The following ACP7 variants were observed in gnomAD, a reference collection of about 807,000 sequenced individuals.
ACP7 encodes the protein acid phosphatase type 7.
In ACP7, 58 loss-of-function variants were observed where a neutral mutation model predicts 60.6. The observed-to-expected ratio is 0.96, with a 90% confidence interval of 0.77 to 1.19. ACP7 has a LOEUF of 1.19. ACP7 is among the 50% of genes most tolerant of loss of function. The pLI, the probability that ACP7 is intolerant of heterozygous loss-of-function variation, is 0.00. For missense variants in ACP7, 574 were observed against 596.2 expected, an observed-to-expected ratio of 0.96 and a Z score of 0.39; for synonymous variants, 237 against 232.6, an observed-to-expected ratio of 1.02 and a Z score of -0.17.
At position 39,085,017 on chromosome 19, in the gene ACP7, G is replaced by A. The variant is rs7257753; in HGVS notation, c.-178-75G>A. On this transcript the variant is annotated intron_variant, in intron 1 of 12. Transcript: ENST00000331256. ...GTGAATTAATCTATGTCAAGCGGTT[G>A]GCACACTGTGAGTGAGGCTCAGAGA... 7.5e-3 allele frequency: 3,339 copies of A among 443,454 alleles called. 93 individuals are homozygous for A. The highest frequency in any genetic ancestry group is 0.06 in the African/African-American group (2,977 of 49,486). The allele number at this position is 443,454 out of a possible 1,614,324, so 27.5% of individuals were successfully genotyped here.
intron 12 of ACP7, among the ~76,000 whole-genome samples, chr19:39,107,923 T>C (rs1184249692): frequency 1.3e-5 from 2 of 151,952 alleles, no homozygotes; most frequent in African/African-American, 4.8e-5. Context: ...TGGTGGCAGA[T>C]GTCTGTAGTC....
chr19:39,105,522 C>T lies in ACP7; in HGVS notation c.1114-1425C>T, dbSNP rs1415682250. ...CTTCCCAATACATCCTGCAAGGAGG[C>T]GCATGGTGTCTTTTTTGAGTTAGGA... is the stretch of plus-strand genomic sequence containing the variant. On this transcript the variant is annotated intron_variant, in intron 11 of 12. Transcript: ENST00000331256. Among the ~76,000 whole-genome samples, 4 of 152,030 alleles carry T rather than the reference C, an allele frequency of 2.6e-5. No homozygotes were observed. The South Asian group carries it at 6.2e-4, about 24-fold the overall frequency.
chr19:39,098,307 C>T (rs544295578), intron 2 of ACP7, 151 bp from the exon 3 acceptor site: 2 of 410,244 alleles, frequency 4.9e-6, no homozygotes, highest in Non-Finnish European at 8.4e-6. Context: ...AAAGAAATGG[C>T]GGGGCTGGGA....
chr19:39,090,127 A>G lies in ACP7; in HGVS notation c.121+4737A>G, dbSNP rs376641854. 3.3e-4 allele frequency among the ~76,000 whole-genome samples: 50 copies of G among 152,190 alleles called. 1 individual carries two copies. In the South Asian group the frequency reaches 0.01, roughly 31 times the overall value. ...CCTAATGGTGATTTTCTAATTTTCT[A>G]ATGCCCTCCTTCTTTTTTTTTCTTT... is the stretch of plus-strand genomic sequence containing the variant. On this transcript the variant is annotated intron_variant, in intron 2 of 12. Transcript: ENST00000331256.
chr19:39,084,886 A>T (rs772993097), intron 1 of ACP7, among the ~76,000 whole-genome samples: 1 of 152,198 alleles, frequency 6.6e-6, no homozygotes, highest in Non-Finnish European at 1.5e-5. Flanking sequence ...GCTCCATCCC[A>T]TCCTAGCTGT....
At chr19:39,087,491 T>C (rs906533540) in intron 2 of ACP7, among the ~76,000 whole-genome samples, 3 of 151,994 alleles carry the variant, frequency 2.0e-5, no homozygotes, top group African/African-American at 7.3e-5. Context: ...AGGGTTTGGC[T>C]CTGTCAGGGT....
chr19:39,098,360 C>A, intron 2 of ACP7, 98 bp from the exon 3 acceptor site: 1 of 800,406 alleles, frequency 1.2e-6, no homozygotes. Context: ...TAACCACTAA[C>A]TGTTCAACAG....
At chr19:39,098,144 G>A (rs897229186) in intron 2 of ACP7, among the ~76,000 whole-genome samples, 4 of 151,310 alleles carry the variant, frequency 2.6e-5, no homozygotes, top group African/African-American at 7.3e-5. Context: ...CCAGCTACTC[G>A]GGAGGCTGAG....
intron 12 of ACP7, among the ~76,000 whole-genome samples, chr19:39,108,442 A>G (rs1418063023): frequency 6.6e-6 from 1 of 151,946 alleles, no homozygotes; most frequent in African/African-American, 2.4e-5. Flanking sequence ...TGCTGGGCCC[A>G]CTTATCTAAC....
Position 39,086,644 on chromosome 19 carries a change from G to A in ACP7, c.121+1254G>A, listed in dbSNP as rs7250677. On this transcript the variant is annotated intron_variant, in intron 2 of 12. Transcript: ENST00000331256. Reference sequence around the variant, plus strand: ...GGCCCTGTCTCAAAAAAAAAAAAGGGGGGGGGGAGGGGGATAGAACGGAGC... The same window carrying A: ...GGCCCTGTCTCAAAAAAAAAAAAGGAGGGGGGGAGGGGGATAGAACGGAGC... Among the ~76,000 whole-genome samples the A allele has an allele frequency of 6.2e-3, 787 of 126,028 alleles. 14 individuals are homozygous for A. The highest frequency in any genetic ancestry group is 0.016 in the South Asian group (62 of 3,794). The allele number at this position is 126,028 out of a possible 152,430, so 82.7% of individuals were successfully genotyped here. A position where few individuals can be genotyped will look rare whatever the true frequency, so the allele number is the denominator to read the frequency against.
At chr19:39,093,171 TC>T (rs755599773) in intron 2 of ACP7, among the ~76,000 whole-genome samples, 1 of 47,266 alleles carries the variant, frequency 2.1e-5, no homozygotes, top group Admixed American at 1.6e-4. Context: ...TCTTTCTTTC[TC>T]TCCTTCCTTC....
In ACP7 at chr19:39,099,002, G is replaced by A; in HGVS notation, c.365G>A (p.Arg122His). 1.9e-6 allele frequency: 3 copies of A among 1,613,564 alleles called. No individual in the cohort carries two copies. The South Asian group carries it at 3.3e-5, about 18-fold the overall frequency. The change falls in exon 4 of 13, where the codon CGC becomes CAC. Residue 122 changes from arginine to histidine, a missense_variant. By Grantham distance (29) the Arg-to-His change is conservative. Transcript: ENST00000331256. ...GSAQGWSRRFRFRALKNGAHW... is the reference protein window; with the variant it reads ...GSAQGWSRRFHFRALKNGAHW... ...GCGCAGGGCTGGAGCCGTCGGTTCC[G>A]CTTCAGGGCCCTCAAGAATGGGGCC...
chr19:39,101,279 C>A lies in ACP7; in HGVS notation c.974-9C>A. The A allele has an allele frequency of 5.0e-6, 8 of 1,614,224 alleles. No individual in the cohort carries two copies. Among genetic ancestry groups the A allele is most frequent in the Non-Finnish European group, 5.9e-6 (7 of 1,180,048 alleles). Reference sequence around the variant, plus strand: ...TTCAGAGGTCTGATCCCCGCTTGCTCTATCTCAGGAGTGGATCTGCAGCTG... The same window carrying A: ...TTCAGAGGTCTGATCCCCGCTTGCTATATCTCAGGAGTGGATCTGCAGCTG... On this transcript the variant is annotated splice_polypyrimidine_tract_variant and intron_variant, in intron 9 of 12. Coordinates refer to ENST00000331256, the MANE Select transcript of ACP7 (RefSeq NM_001004318.3).
In ACP7 at chr19:39,099,105, C is replaced by T. The variant is rs748606915; in HGVS notation, c.468C>T (p.Asp156=). 9 of 1,594,740 alleles carry T rather than the reference C, an allele frequency of 5.6e-6. No individual in the cohort carries two copies. The highest frequency in any genetic ancestry group is 7.7e-6 in the Non-Finnish European group (9 of 1,171,956). The change falls in exon 4 of 13, where the codon GAC becomes GAT. Residue 156 remains aspartate (D), a synonymous_variant. Transcript: ENST00000331256. ...AGGCCGTCCCCCGGCTGCGCAGGGA[C>T]ACCCAGCAGGGCATGTATGACGCCG... ...NPKAVPRLRR[D]TQQGMYDAVL... is the part of the protein sequence containing the mutation.
intron 4 of ACP7, 104 bp from the exon 5 acceptor site, chr19:39,100,123 A>C: frequency 1.3e-6 from 2 of 1,487,148 alleles, no homozygotes; most frequent in African/African-American, 2.8e-5. Context: ...GGCCTCCCGA[A>C]GCGCTGGGAT....
chr19:39,090,546 G>A (rs959085981), intron 2 of ACP7, among the ~76,000 whole-genome samples: 1 of 151,940 alleles, frequency 6.6e-6, no homozygotes, highest in East Asian at 1.9e-4. Context: ...GCAGTGGCGC[G>A]ATCTCAGCTC....
In ACP7 at chr19:39,101,054, A is replaced by G. The variant is rs940626674; in HGVS notation, c.913A>G (p.Lys305Glu). The change falls in exon 8 of 13, where the codon AAG (lysine) becomes GAG (glutamate). Residue 305 changes from lysine (K) to glutamate (E), a missense_variant and splice_region_variant. By Grantham distance (56) the Lys-to-Glu change is moderately conservative. Coordinates refer to ENST00000331256, the MANE Select transcript of ACP7 (RefSeq NM_001004318.3). ...GGACGACTGCACACGACATGAAAGC[A>G]AGGTGAGGTCCCTCCCTGGGAGACA... Reference protein sequence around the residue: ...DLDDCTRHESKVRKGLQGKLY... With the variant: ...DLDDCTRHESEVRKGLQGKLY... 1.2e-6 allele frequency: 2 copies of G among 1,614,024 alleles called. No individual in the cohort carries two copies. The highest frequency in any genetic ancestry group is 1.7e-6 in the Non-Finnish European group (2 of 1,180,028).
Position 39,099,217 on chromosome 19 carries a change from G to A in ACP7, c.505+75G>A. The A allele has an allele frequency of 2.9e-6, 4 of 1,382,354 alleles. No homozygotes were observed. The South Asian group carries it at 4.6e-5, about 16-fold the overall frequency. 85.6% of individuals were successfully genotyped at this position (1,382,354 alleles called of 1,614,324 possible). On this transcript the variant is annotated intron_variant, in intron 4 of 12. Transcript: ENST00000331256. ...GGATGGTGGGGGGCGCGCGGGTCGG[G>A]GGCGCGCGGGTCGGGGGCGGTGCTA...
chr19:39,098,205 G>A (rs1325027782), intron 2 of ACP7, among the ~76,000 whole-genome samples: 1 of 129,560 alleles, frequency 7.7e-6, no homozygotes, highest in Non-Finnish European at 1.6e-5. Flanking sequence ...AGTAAGCTGA[G>A]ATTGCACCAC....
Sources: allele counts gnomAD v4.1 joint callset (sites outside exome capture counted in the v4.1 genomes callset), GRCh38; gene constraint gnomAD v4.1.1; transcripts MANE v1.5; gene names NCBI Gene and HGNC (gene_info 2026-07-23, HGNC 2026-07-21).